RTTN: variants seen among roughly 807,000 people sequenced by gnomAD.
The protein encoded by RTTN is rotatin.
In RTTN, 182 loss-of-function variants were observed where a neutral mutation model predicts 269.2. The ratio of observed to expected loss-of-function variants is 0.68; its 90% CI spans 0.60 to 0.76. The LOEUF (loss-of-function observed/expected upper bound fraction) is 0.76. Among genes scored for constraint, RTTN ranks in the 30% least tolerant of loss-of-function variants. The pLI is 0.00. For synonymous variants in RTTN, 1,006 were observed against 963.5 expected (o/e 1.04, Z -0.82); for missense variants, 2,545 against 2,608.6 (o/e 0.98, Z 0.53).
At chr18:70,051,990 A>C (rs545490801) in intron 38 of RTTN, among the ~76,000 whole-genome samples, 1 of 152,314 alleles carries the variant, frequency 6.6e-6, no homozygotes, top group East Asian at 1.9e-4. Flanking sequence ...TGCCAAGGTC[A>C]AGGTAGAAAA....
intron 11 of RTTN, among the ~76,000 whole-genome samples, chr18:70,174,628 T>A (rs2061238921): frequency 1.3e-5 from 2 of 151,528 alleles, no homozygotes; most frequent in Admixed American, 1.3e-4. Flanking sequence ...TCATAGAACA[T>A]CTTGCTGGTA....
At chr18:70,202,490 A>G (rs1020659891) in intron 3 of RTTN, among the ~76,000 whole-genome samples, 1 of 152,226 alleles carries the variant, frequency 6.6e-6, no homozygotes, top group African/African-American at 2.4e-5. Flanking sequence ...ATAGTTTGTA[A>G]TTTTAAGTTT....
intron 40 of RTTN, among the ~76,000 whole-genome samples, chr18:70,044,808 C>T (rs1421952194): frequency 6.6e-6 from 1 of 152,128 alleles, no homozygotes; most frequent in Non-Finnish European, 1.5e-5. Context: ...GCATGATTCA[C>T]GTCCTGAGGG....
In RTTN at chr18:70,109,614, G is replaced by C. The variant is rs769785834; in HGVS notation, c.3787C>G (p.Leu1263Val). 4.0e-5 allele frequency: 65 copies of C among 1,614,010 alleles called. No individual in the cohort carries two copies. Among genetic ancestry groups the C allele is most frequent in the Non-Finnish European group, 5.3e-5 (62 of 1,180,040 alleles). The change falls in exon 28 of 49, where the codon CTT becomes GTT. Residue 1263 changes from leucine (L) to valine (V), a missense_variant. Transcript: ENST00000640769. Reference sequence around the variant, plus strand: ...GCCATCCCTCGTAAGGTCCGCTCAAGGGACGGCAGGCCATAGAAATGAGGC... The same window carrying C: ...GCCATCCCTCGTAAGGTCCGCTCAACGGACGGCAGGCCATAGAAATGAGGC... ...DAPHFYGLPS[L>V]ERTLRGMANL...
intron 14 of RTTN, among the ~76,000 whole-genome samples, chr18:70,155,227 C>T (rs2060642871): frequency 6.6e-6 from 1 of 152,158 alleles, no homozygotes; most frequent in African/African-American, 2.4e-5. Flanking sequence ...TGCATCACCA[C>T]TAACTGTCAA....
intron 30 of RTTN, among the ~76,000 whole-genome samples, chr18:70,091,899 C>T (rs1462216081): frequency 6.6e-6 from 1 of 151,860 alleles, no homozygotes; most frequent in East Asian, 1.9e-4. Context: ...ACTACAGGTG[C>T]CTGCCACCAC....
At chr18:70,086,493 G>C in intron 32 of RTTN, 120 bp downstream of exon 32, 2 of 819,528 alleles carry the variant, frequency 2.4e-6, no homozygotes, top group South Asian at 3.2e-5. Context: ...TCTATTTTAA[G>C]AGGCCCTTGC....
chr18:70,205,379 T>C (rs2062050929), intron 1 of RTTN, 64 bp from the exon 2 acceptor site: 31 of 1,586,248 alleles, frequency 2.0e-5, no homozygotes, highest in Non-Finnish European at 2.6e-5. Context: ...TTATTTATGC[T>C]GTGGGCAGGA....
chr18:70,205,383 G>A, intron 1 of RTTN, 68 bp from the exon 2 acceptor site: 1 of 1,579,080 alleles, frequency 6.3e-7, no homozygotes, highest in Non-Finnish European at 8.7e-7. Context: ...TTATGCTGTG[G>A]GCAGGAGCGG....
At chr18:70,051,076 A>G (rs1312405442) in intron 39 of RTTN, among the ~76,000 whole-genome samples, 7 of 152,218 alleles carry the variant, frequency 4.6e-5, no homozygotes, top group African/African-American at 1.4e-4. Context: ...CCAGAACTTA[A>G]AGTAAAATTT....
intron 11 of RTTN, among the ~76,000 whole-genome samples, chr18:70,175,032 A>ATAAAAC (rs1568513809): frequency 2.5e-4 from 35 of 139,578 alleles, no homozygotes; most frequent in African/African-American, 9.3e-4. Context: ...CGTCTCAAAA[A>ATAAAAC]CAAAACCAAA....
rs778347854 is a variant in RTTN at position 70,149,033 on chromosome 18, T to C, written c.2177A>G (p.Tyr726Cys). The change falls in exon 17 of 49, where the codon TAT becomes TGT. Residue 726 changes from tyrosine (Y) to cysteine (C), a missense_variant. By Grantham distance (194) the Tyr-to-Cys change is radical. Transcript: ENST00000640769. Reference protein sequence around the residue: ...LCPVIPILQGYADTEDPLGNC... With the variant: ...LCPVIPILQGCADTEDPLGNC... ...ACCCAGAGGATCTTCTGTGTCGGCA[T>C]AGCCCTAATAGATTTGTTTTTAAAG... The C allele has an allele frequency of 2.5e-6, 4 of 1,607,748 alleles. No homozygotes were observed. Among genetic ancestry groups the C allele is most frequent in the East Asian group, 2.2e-5 (1 of 44,850 alleles).
At chr18:70,065,750 C>T in intron 35 of RTTN, 79 bp downstream of exon 35, 2 of 875,264 alleles carry the variant, frequency 2.3e-6, no homozygotes, top group Non-Finnish European at 3.4e-6. Context: ...GTTCTTTAGA[C>T]ATTTACTTTC....
intron 34 of RTTN, among the ~76,000 whole-genome samples, chr18:70,070,756 C>A (rs1326874879): frequency 6.6e-6 from 1 of 152,192 alleles, no homozygotes; most frequent in Non-Finnish European, 1.5e-5. Flanking sequence ...CAACCTCTTG[C>A]ATTTTCTGAA....
At chr18:70,051,320 A>C in intron 39 of RTTN, 91 bp downstream of exon 39, 1 of 1,391,104 alleles carries the variant, frequency 7.2e-7, no homozygotes, top group South Asian at 1.6e-5. Flanking sequence ...ATAATTACTT[A>C]ACTTTAGTGA....
At chr18:70,170,045 C>A (rs1161049509) in intron 11 of RTTN, among the ~76,000 whole-genome samples, 2 of 152,148 alleles carry the variant, frequency 1.3e-5, no homozygotes, top group Non-Finnish European at 2.9e-5. Flanking sequence ...TTAGATTACA[C>A]AGACATGACA....
chr18:70,190,869 C>A (rs2061654728), intron 8 of RTTN, 150 bp from the exon 9 acceptor site: 1 of 542,694 alleles, frequency 1.8e-6, no homozygotes, highest in Non-Finnish European at 3.2e-6. Flanking sequence ...GAAACTTTGA[C>A]AAATTTACGA....
chr18:70,053,445 T>A (rs2144830067), intron 38 of RTTN: 1 of 152,306 alleles, frequency 6.6e-6, no homozygotes, highest in East Asian at 1.9e-4. Flanking sequence ...AACATCGAGA[T>A]CATTTTAACA....
chr18:70,064,787 C>T (rs112203605), intron 35 of RTTN, among the ~76,000 whole-genome samples: 122 of 152,202 alleles, frequency 8.0e-4, no homozygotes, highest in African/African-American at 2.6e-3. Context: ...TCTGAATATA[C>T]TTAAAACCAA....
Sources: gnomAD v4.1 joint callset for allele counts (sites outside exome capture counted in the v4.1 genomes callset) on GRCh38, gnomAD v4.1.1 for gene constraint, MANE v1.5 for transcripts, NCBI Gene and HGNC (gene_info 2026-07-23, HGNC 2026-07-21) for gene names.